Variants in SLCO5A1 observed in about 807,000 individuals in gnomAD.
SLCO5A1 encodes the protein solute carrier organic anion transporter family member 5A1, also known as organic anion transporter polypeptide-related protein 4.
SLCO5A1 carries 39 observed loss-of-function variants against 65.1 expected under a neutral mutation model. The observed-to-expected ratio is 0.60, with a 90% CI of 0.46 to 0.78. The LOEUF (loss-of-function observed/expected upper bound fraction) is 0.78, where lower values mean the gene tolerates loss of function less well. Ranked by LOEUF, SLCO5A1 falls within the 30% of genes least tolerant of loss-of-function variation. The pLI, the probability that SLCO5A1 is intolerant of heterozygous loss-of-function variation, is 0.00. For synonymous variants in SLCO5A1, 438 were observed against 415.7 expected, an observed-to-expected ratio of 1.05 and a Z score of -0.65; for missense variants, 1,029 against 1,069.4, an observed-to-expected ratio of 0.96 and a Z score of 0.53.
chr8:69,812,340 T>G (rs1820240105), intron 2 of SLCO5A1, among the ~76,000 whole-genome samples: 1 of 152,166 alleles, frequency 6.6e-6, no homozygotes, highest in South Asian at 2.1e-4. Context: ...GGTCAAACAT[T>G]TTACAGAAAA....
chr8:69,710,311 G>A (rs967690570), intron 5 of SLCO5A1, among the ~76,000 whole-genome samples: 1 of 151,418 alleles, frequency 6.6e-6, no homozygotes, highest in African/African-American at 2.4e-5. Flanking sequence ...GAGCCACCGC[G>A]CCCGACCGGC....
chr8:69,709,079 G>T (rs148559367), intron 5 of SLCO5A1, among the ~76,000 whole-genome samples: 232 of 152,272 alleles, frequency 1.5e-3, no homozygotes, highest in African/African-American at 5.2e-3. Context: ...ACCAGACTGC[G>T]ATGGGTTGAG....
At chr8:69,813,308 T>TC (rs1678752892) in intron 2 of SLCO5A1, among the ~76,000 whole-genome samples, 1 of 152,342 alleles carries the variant, frequency 6.6e-6, no homozygotes, top group Admixed American at 6.5e-5. Flanking sequence ...TGCTAAGAAT[T>TC]CCCACATGCT....
intron 8 of SLCO5A1, among the ~76,000 whole-genome samples, chr8:69,677,916 C>T (rs1160554426): frequency 1.3e-5 from 2 of 152,032 alleles, no homozygotes; most frequent in Admixed American, 6.5e-5. Context: ...CCTAATCCCC[C>T]CTAATCCCCT....
At chr8:69,826,150 T>C (rs201484479) in intron 2 of SLCO5A1, among the ~76,000 whole-genome samples, 1 of 152,098 alleles carries the variant, frequency 6.6e-6, no homozygotes, top group African/African-American at 2.4e-5. Flanking sequence ...TAAAGACTTA[T>C]ATGTTAGACC....
At chr8:69,791,067 G>C (rs1819248829) in intron 2 of SLCO5A1, among the ~76,000 whole-genome samples, 1 of 152,124 alleles carries the variant, frequency 6.6e-6, no homozygotes, top group Non-Finnish European at 1.5e-5. Context: ...AGGAAGGAAG[G>C]GATGAGGGAA....
chr8:69,818,300 G>C (rs545295565), intron 2 of SLCO5A1, among the ~76,000 whole-genome samples: 1 of 152,200 alleles, frequency 6.6e-6, no homozygotes, highest in African/African-American at 2.4e-5. Flanking sequence ...CACTGAAAAG[G>C]GCCAAATATC....
At chr8:69,722,640 T>C (rs1815876812) in intron 5 of SLCO5A1, among the ~76,000 whole-genome samples, 1 of 152,170 alleles carries the variant, frequency 6.6e-6, no homozygotes, top group South Asian at 2.1e-4. Context: ...GTTGCCTAAG[T>C]TCCAGGTCCA....
At chr8:69,748,024 A>G (rs769438009) in intron 4 of SLCO5A1, among the ~76,000 whole-genome samples, 1 of 152,184 alleles carries the variant, frequency 6.6e-6, no homozygotes, top group Non-Finnish European at 1.5e-5. Context: ...TTTGAAAGAA[A>G]TGATCCCACG....
rs774058808 is a variant in SLCO5A1, at chr8:69,742,343, T to A, written c.1259-4139A>T. On this transcript the variant is annotated intron_variant, in intron 4 of 9. Transcript: ENST00000260126. ...TCAGTTTCTTGGTGTCATTTATAAC[T>A]GTGTCATTGTAAAACCAAAGATGCA... Among the ~76,000 whole-genome samples the A allele has an allele frequency of 1.4e-3, 207 of 152,280 alleles. 1 individual carries two copies. The highest frequency in any genetic ancestry group is 8.4e-4 in the Non-Finnish European group (57 of 68,016).
chr8:69,834,086 CCA>C (rs60625289), intron 1 of SLCO5A1: 36,386 of 144,140 alleles, frequency 0.25, 4,456 homozygotes, highest in East Asian at 0.28. Context: ...GCGTGCGCGG[CCA>C]CACACACACA....
At chr8:69,802,721 A>AC (rs1819803290) in intron 2 of SLCO5A1, among the ~76,000 whole-genome samples, 1 of 151,362 alleles carries the variant, frequency 6.6e-6, no homozygotes, top group Admixed American at 6.6e-5. Flanking sequence ...TCAGGCCTTT[A>AC]CCCCTGCCAC....
At chr8:69,802,329 C>T (rs1316050121) in intron 2 of SLCO5A1, among the ~76,000 whole-genome samples, 3 of 151,186 alleles carry the variant, frequency 2.0e-5, no homozygotes, top group Non-Finnish European at 4.4e-5. Flanking sequence ...ATAGTGAGAC[C>T]TCATCTCTAC....
In SLCO5A1 at chr8:69,710,016, C is replaced by T. The variant is rs1303771612; in HGVS notation, c.1424-4787G>A. ...CACCAGAGTCCTGTGAAATCGGCAA[C>T]AGCTTTTTTTTTTTTTTTTTAGACA... On this transcript the variant is annotated intron_variant, in intron 5 of 9. Transcript: ENST00000260126. 8.6e-5 allele frequency among the ~76,000 whole-genome samples: 6 copies of T among 69,998 alleles called. No individual in the cohort carries two copies. In the East Asian group the frequency reaches 2.0e-3, roughly 23 times the overall value. 45.9% of individuals were successfully genotyped at this position (69,998 alleles called of 152,430 possible).
chr8:69,797,481 G>A lies in SLCO5A1; in HGVS notation c.907+34286C>T, dbSNP rs1819551423. Among the ~76,000 whole-genome samples the A allele has an allele frequency of 2.0e-5, 3 of 152,352 alleles. No homozygotes were observed. In the South Asian group the frequency reaches 6.2e-4, roughly 32 times the overall value. ...AGATAACCTTAAACTCTGACTGCCGGTGAGCTGGGCGGAACAGAGCCATAT... is the reference window on the plus strand; with the variant it reads ...AGATAACCTTAAACTCTGACTGCCGATGAGCTGGGCGGAACAGAGCCATAT... On this transcript the variant is annotated intron_variant, in intron 2 of 9. Transcript: ENST00000260126.
intron 4 of SLCO5A1, among the ~76,000 whole-genome samples, chr8:69,745,246 A>G (rs2130849874): frequency 6.6e-6 from 1 of 151,732 alleles, no homozygotes; most frequent in Non-Finnish European, 1.5e-5. Flanking sequence ...TAATTTTCTG[A>G]TTAGTTTTTT....
chr8:69,785,012 AAAAG>A (rs1284114429), intron 2 of SLCO5A1, among the ~76,000 whole-genome samples: 7 of 151,236 alleles, frequency 4.6e-5, no homozygotes, highest in Admixed American at 2.0e-4. Context: ...GAAAGAAAAG[AAAAG>A]AAAGAAAGGG....
At chr8:69,798,697 C>A (rs1819607108) in intron 2 of SLCO5A1, among the ~76,000 whole-genome samples, 1 of 152,172 alleles carries the variant, frequency 6.6e-6, no homozygotes, top group South Asian at 2.1e-4. Context: ...GGCAGGGACA[C>A]AGATCCAAGC....
intron 5 of SLCO5A1, among the ~76,000 whole-genome samples, chr8:69,735,146 C>T (rs76473429): frequency 0.018 from 2,798 of 152,038 alleles, 93 homozygotes; most frequent in African/African-American, 0.064. Flanking sequence ...GTCAGGATGG[C>T]GATTATTAAA....
Sources: gnomAD v4.1 joint callset for allele counts (sites outside exome capture counted in the v4.1 genomes callset) on GRCh38, gnomAD v4.1.1 for gene constraint, MANE v1.5 for transcripts, NCBI Gene and HGNC (gene_info 2026-07-23, HGNC 2026-07-21) for gene names.